Variants in SEL1L2 observed in about 807,000 individuals in gnomAD.
SEL1L2 encodes SEL1L2 adaptor subunit of SYVN1 ubiquitin ligase.
SEL1L2 carries 89 observed loss-of-function variants against 98.8 expected under a neutral mutation model. That is an observed-to-expected ratio of 0.90 (90% CI 0.76 to 1.07). The LOEUF is 1.07. Among genes scored for constraint, SEL1L2 ranks in the 50% least tolerant of loss-of-function variants. The pLI, the probability that SEL1L2 is intolerant of heterozygous loss-of-function variation, is 0.00. For missense variants in SEL1L2, 788 were observed against 812.0 expected (o/e 0.97, Z 0.36); for synonymous variants, 262 against 278.5 (o/e 0.94, Z 0.59).
At chr20:13,989,411 G>A (rs930740827) in intron 1 of SEL1L2, among the ~76,000 whole-genome samples, 5 of 152,040 alleles carry the variant, frequency 3.3e-5, no homozygotes, top group African/African-American at 1.2e-4. Context: ...TGTCTTCTGT[G>A]AATACAGATC....
intron 1 of SEL1L2, among the ~76,000 whole-genome samples, chr20:13,969,344 C>T (rs1337274513): frequency 6.6e-6 from 1 of 152,206 alleles, no homozygotes; most frequent in Non-Finnish European, 1.5e-5. Flanking sequence ...AGCTCCAAAT[C>T]TTCCATCATG....
In SEL1L2 at chr20:13,884,909, T is replaced by C. The variant is rs534660113; in HGVS notation, c.957+438A>G. ...AGGATGTTTAATATATTTTTAATTA[T>C]ATTAAAAGCAATCTGTCTTCTGATA... On this transcript the variant is annotated intron_variant, in intron 10 of 19. Coordinates refer to ENST00000284951, the MANE Select transcript of SEL1L2 (RefSeq NM_025229.2). 2.0e-5 allele frequency among the ~76,000 whole-genome samples: 3 copies of C among 152,280 alleles called. 1 individual carries two copies. The highest frequency in any genetic ancestry group is 4.1e-4 in the South Asian group (2 of 4,822).
chr20:13,947,033 G>A (rs1485474240), intron 2 of SEL1L2, among the ~76,000 whole-genome samples: 19 of 152,186 alleles, frequency 1.2e-4, no homozygotes, highest in Non-Finnish European at 4.4e-5. Context: ...CATGTAGATG[G>A]CAGCAGGAGG....
At chr20:13,899,102 C>T (rs925274820) in intron 5 of SEL1L2, among the ~76,000 whole-genome samples, 1 of 152,068 alleles carries the variant, frequency 6.6e-6, no homozygotes, top group African/African-American at 2.4e-5. Flanking sequence ...GACACTAACC[C>T]ATTGTTTTTT....
At chr20:13,955,307 G>C (rs1370602377) in intron 2 of SEL1L2, among the ~76,000 whole-genome samples, 1 of 152,102 alleles carries the variant, frequency 6.6e-6, no homozygotes, top group African/African-American at 2.4e-5. Flanking sequence ...ATTTTAGAGA[G>C]TGATTGTAAA....
intron 1 of SEL1L2, among the ~76,000 whole-genome samples, chr20:13,963,873 T>C (rs539440952): frequency 6.6e-6 from 1 of 152,082 alleles, no homozygotes; most frequent in African/African-American, 2.4e-5. Context: ...TGCCTAAATA[T>C]ATATATTTTT....
intron 12 of SEL1L2, among the ~76,000 whole-genome samples, chr20:13,873,725 A>G (rs1286726191): frequency 6.6e-6 from 1 of 152,152 alleles, no homozygotes; most frequent in Non-Finnish European, 1.5e-5. Context: ...ACCCTGCAGT[A>G]TACACCTGCT....
chr20:13,936,392 A>G (rs1184055381), intron 2 of SEL1L2, among the ~76,000 whole-genome samples: 1 of 152,232 alleles, frequency 6.6e-6, no homozygotes, highest in African/African-American at 2.4e-5. Context: ...AGATGTAGGC[A>G]TAGTTCAATG....
At chr20:13,980,778 A>G (rs1182092884) in intron 1 of SEL1L2, among the ~76,000 whole-genome samples, 1 of 152,228 alleles carries the variant, frequency 6.6e-6, no homozygotes, top group Admixed American at 6.5e-5. Flanking sequence ...AATGTTGTAT[A>G]TATATACAAT....
chr20:13,961,449 T>C (rs2050766857), intron 1 of SEL1L2, among the ~76,000 whole-genome samples: 1 of 152,230 alleles, frequency 6.6e-6, no homozygotes, highest in Non-Finnish European at 1.5e-5. Flanking sequence ...TACAGCCTAC[T>C]GCCTCCAAAA....
At chr20:13,860,944 C>G (rs1310848703) in intron 17 of SEL1L2, among the ~76,000 whole-genome samples, 2 of 152,090 alleles carry the variant, frequency 1.3e-5, no homozygotes, top group African/African-American at 4.8e-5. Context: ...GTACAGCACC[C>G]CCATTGTTCA....
At position 13,966,879 on chromosome 20, in the gene SEL1L2, C is replaced by CTTTTTT. The variant is rs35292120; in HGVS notation, c.59-10754_59-10749dup. ...TCTTTCTCTGTTACCAGAGACCTGTCTTTTTTTTTTTTTTTTTTTTGAGAT... is the reference window on the plus strand; with the variant it reads ...TCTTTCTCTGTTACCAGAGACCTGTCTTTTTTTTTTTTTTTTTTTTTTTTTTGAGAT... On this transcript the variant is annotated intron_variant, in intron 1 of 19. Transcript: ENST00000284951. Among the ~76,000 whole-genome samples the CTTTTTT allele has an allele frequency of 4.6e-4, 48 of 104,130 alleles. 2 individuals carry two copies. The highest frequency in any genetic ancestry group is 7.4e-4 in the Admixed American group (6 of 8,144). 68.3% of individuals were successfully genotyped at this position (104,130 alleles called of 152,430 possible).
chr20:13,906,772 A>G (rs912849163), intron 5 of SEL1L2, among the ~76,000 whole-genome samples: 14 of 152,062 alleles, frequency 9.2e-5, no homozygotes, highest in Non-Finnish European at 1.2e-4. Context: ...TCTGCCTCCC[A>G]GGTTCCCGCC....
chr20:13,926,131 G>A (rs149051885), intron 3 of SEL1L2, among the ~76,000 whole-genome samples: 3,374 of 152,168 alleles, frequency 0.022, 59 homozygotes, highest in African/African-American at 0.051. Flanking sequence ...ATCCTGGCTA[G>A]TACGGTGAAA....
At chr20:13,856,026 G>C (rs78419196) in intron 18 of SEL1L2, among the ~76,000 whole-genome samples, 16 of 152,346 alleles carry the variant, frequency 1.1e-4, no homozygotes, top group Non-Finnish European at 2.2e-4. Flanking sequence ...AGTCAGACCT[G>C]AGCCAAGGTA....
At chr20:13,934,775 G>GTT (rs1033332055) in intron 2 of SEL1L2, among the ~76,000 whole-genome samples, 1 of 149,932 alleles carries the variant, frequency 6.7e-6, no homozygotes, top group South Asian at 2.1e-4. Context: ...GCCAACATCT[G>GTT]TTTTTTTTTA....
intron 5 of SEL1L2, among the ~76,000 whole-genome samples, chr20:13,896,011 G>A (rs59431904): frequency 0.09 from 13,658 of 151,896 alleles, 731 homozygotes; most frequent in African/African-American, 0.14. Context: ...CATCTCTACT[G>A]AAAATACAAA....
chr20:13,928,564 AATTCTAAAGATTTCTGGTGT>A (rs2048994562), intron 3 of SEL1L2, among the ~76,000 whole-genome samples: 1 of 152,174 alleles, frequency 6.6e-6, no homozygotes, highest in Non-Finnish European at 1.5e-5. Flanking sequence ...TCAACAACAA[AATTCTAAAGATTTCTGGTGT>A]ATTACTGCGG....
intron 12 of SEL1L2, among the ~76,000 whole-genome samples, chr20:13,871,358 G>T (rs990201594): frequency 1.1e-4 from 16 of 152,108 alleles, no homozygotes; most frequent in African/African-American, 3.4e-4. Flanking sequence ...TTCAGCACAT[G>T]TTCAAATATA....
Sources: gnomAD v4.1 joint callset for allele counts (sites outside exome capture counted in the v4.1 genomes callset) on GRCh38, gnomAD v4.1.1 for gene constraint, MANE v1.5 for transcripts, NCBI Gene and HGNC (gene_info 2026-07-23, HGNC 2026-07-21) for gene names.